The following PUM2 variants were observed in gnomAD, a reference collection of about 807,000 sequenced individuals.
PUM2 encodes pumilio RNA binding family member 2.
A neutral mutation model predicts 124.5 loss-of-function variants in PUM2; 57 were observed. The ratio of observed to expected loss-of-function variants is 0.46; its 90% CI spans 0.37 to 0.57. The LOEUF is 0.57. Ranked by LOEUF, PUM2 falls within the 20% of genes least tolerant of loss-of-function variation. The pLI, the probability that PUM2 is intolerant of heterozygous loss-of-function variation, is 0.00. For synonymous variants in PUM2, 460 were observed against 446.1 expected (o/e 1.03, Z -0.39); for missense variants, 1,065 against 1,290.6 (o/e 0.83, Z 2.68).
At chr2:20,330,836 G>A (rs982181051) in intron 1 of PUM2, among the ~76,000 whole-genome samples, 4 of 152,174 alleles carry the variant, frequency 2.6e-5, no homozygotes, top group African/African-American at 9.7e-5. Flanking sequence ...AGTCTTATTG[G>A]CCCAAGCCCT....
chr2:20,283,550 C>T, intron 10 of PUM2, 64 bp from the exon 11 acceptor site: 1 of 1,490,308 alleles, frequency 6.7e-7, no homozygotes, highest in South Asian at 1.2e-5. Context: ...TTTGTTTTTC[C>T]CTGCATTTGT....
intron 13 of PUM2, among the ~76,000 whole-genome samples, chr2:20,277,498 G>C (rs1414376340): frequency 6.6e-6 from 1 of 151,844 alleles, no homozygotes; most frequent in Non-Finnish European, 1.5e-5. Flanking sequence ...TGGAAGACCA[G>C]AGTCTTTAAA....
intron 13 of PUM2, among the ~76,000 whole-genome samples, chr2:20,270,648 C>A (rs1232587831): frequency 6.6e-6 from 1 of 152,044 alleles, no homozygotes; most frequent in East Asian, 1.9e-4. Context: ...GCACACTGAA[C>A]AAAGAAAACA....
chr2:20,256,616 G>T (rs959872677), intron 16 of PUM2, among the ~76,000 whole-genome samples: 2 of 152,142 alleles, frequency 1.3e-5, no homozygotes, highest in African/African-American at 4.8e-5. Context: ...GGCTGAGTGA[G>T]TTTATCAAGT....
chr2:20,325,746 C>T (rs539654415), intron 2 of PUM2, among the ~76,000 whole-genome samples: 1 of 152,016 alleles, frequency 6.6e-6, no homozygotes, highest in Non-Finnish European at 1.5e-5. Flanking sequence ...CTCAGCCTCC[C>T]GAGTAGCTGG....
chr2:20,283,169 G>T lies in PUM2; in HGVS notation c.1498C>A (p.Arg500=), dbSNP rs1360097138. The T allele has an allele frequency of 1.9e-6, 3 of 1,614,030 alleles. No individual in the cohort carries two copies. Among genetic ancestry groups the T allele is most frequent in the Non-Finnish European group, 2.5e-6 (3 of 1,179,980 alleles). Residue 500 remains arginine (R), a synonymous_variant, in exon 12 of 21, where the codon CGG becomes AGG. Coordinates refer to ENST00000361078, the MANE Select transcript of PUM2 (RefSeq NM_015317.5). ...TGTGGTGGCTGAGTGCCAATTGGCC[G>T]AAACAGACCATTTGTGCTGCCTGTA... ...SLTGSTNGLF[R]PIGTQPPQQQ... is the part of the protein sequence containing the mutation.
At chr2:20,350,470 C>T in intron 1 of PUM2, 127 bp downstream of exon 1, 1 of 984,904 alleles carries the variant, frequency 1.0e-6, no homozygotes, top group East Asian at 1.1e-4. Context: ...CCGGCCCGGG[C>T]ACTCAGCAGG....
At chr2:20,277,672 C>T (rs748725710) in intron 13 of PUM2, among the ~76,000 whole-genome samples, 17 of 152,046 alleles carry the variant, frequency 1.1e-4, no homozygotes, top group Non-Finnish European at 1.8e-4. Context: ...GGTGGTCAAA[C>T]ATAATCACTA....
At chr2:20,323,872 G>A (rs1176908859) in intron 2 of PUM2, among the ~76,000 whole-genome samples, 1 of 106,688 alleles carries the variant, frequency 9.4e-6, no homozygotes, top group East Asian at 3.3e-4. Flanking sequence ...CATGATTTCT[G>A]AAAATTTTGA....
At chr2:20,311,798 T>G (rs904997148) in intron 4 of PUM2, 135 bp from the exon 5 acceptor site, 1 of 1,069,174 alleles carries the variant, frequency 9.4e-7, no homozygotes, top group South Asian at 1.9e-5. Flanking sequence ...TCGTAGTCAA[T>G]TAATTTATCA....
chr2:20,344,218 C>T (rs1330142155), intron 1 of PUM2, among the ~76,000 whole-genome samples: 3 of 152,112 alleles, frequency 2.0e-5, no homozygotes, highest in Non-Finnish European at 4.4e-5. Context: ...CAGACGCGAG[C>T]CACCATGCCC....
At chr2:20,257,313 T>TC (rs1014819293) in intron 16 of PUM2, among the ~76,000 whole-genome samples, 3 of 152,148 alleles carry the variant, frequency 2.0e-5, no homozygotes, top group Non-Finnish European at 4.4e-5. Flanking sequence ...TCTCACAGAT[T>TC]TTAATGCAGT....
At chr2:20,280,426 C>T (rs947500903) in intron 12 of PUM2, among the ~76,000 whole-genome samples, 1 of 152,088 alleles carries the variant, frequency 6.6e-6, no homozygotes, top group Non-Finnish European at 1.5e-5. Flanking sequence ...GCAATGTATG[C>T]TACATTAACT....
intron 12 of PUM2, among the ~76,000 whole-genome samples, chr2:20,279,396 C>T (rs986695639): frequency 2.0e-5 from 3 of 152,072 alleles, no homozygotes; most frequent in South Asian, 2.1e-4. Flanking sequence ...ATTTTTTACA[C>T]TACGCATTCT....
In PUM2 at chr2:20,258,322, T is replaced by C; in HGVS notation, c.2405A>G (p.His802Arg). ...KLALATRIRGHVLPLALQMYG... is the reference protein window; with the variant it reads ...KLALATRIRGRVLPLALQMYG... ...CATCTGCAAGGCTAAGGGTAGAACATGACCACGAATACGAGTAGCCAGGGC... is the reference window on the plus strand; with the variant it reads ...CATCTGCAAGGCTAAGGGTAGAACACGACCACGAATACGAGTAGCCAGGGC... The change falls in exon 16 of 21, where the codon CAT becomes CGT. Residue 802 changes from histidine (H) to arginine (R), a missense_variant. Physicochemically the swap from His to Arg is conservative, Grantham distance 29. Around this residue, in one of 3 missense-constraint regions of PUM2, gnomAD observed 968 missense variants for 1,159.8 expected, o/e 0.83. Coordinates refer to ENST00000361078, the MANE Select transcript of PUM2 (RefSeq NM_015317.5). The C allele has an allele frequency of 6.2e-7, 1 of 1,612,588 alleles. No individual in the cohort carries two copies. The highest frequency in any genetic ancestry group is 8.5e-7 in the Non-Finnish European group (1 of 1,178,918).
intron 2 of PUM2, among the ~76,000 whole-genome samples, chr2:20,320,863 TA>T (rs1217972030): frequency 1.3e-5 from 2 of 152,118 alleles, no homozygotes; most frequent in Admixed American, 1.3e-4. Flanking sequence ...GTTAATCCCT[TA>T]AAAATACTGT....
At position 20,248,918 on chromosome 2, in the gene PUM2, A is replaced by T. The variant is rs115302390; in HGVS notation, c.*2667T>A. 1 of 152,520 alleles carries T rather than the reference A, an allele frequency of 6.6e-6. No homozygotes were observed. The highest frequency in any genetic ancestry group is 2.1e-4 in the South Asian group (1 of 4,830). 9.4% of individuals were successfully genotyped at this position (152,520 alleles called of 1,614,324 possible). On this transcript the variant is annotated 3_prime_UTR_variant, in exon 21 of 21. Transcript: ENST00000361078. ...AGTAAAGCCTAGGTAGTTTTGCCCA[A>T]TTGTTTTATTCTGAAATGTGATTTT... is the stretch of plus-strand genomic sequence containing the variant.
At chr2:20,286,872 T>C (rs1384120789) in intron 10 of PUM2, among the ~76,000 whole-genome samples, 2 of 152,214 alleles carry the variant, frequency 1.3e-5, no homozygotes, top group Non-Finnish European at 2.9e-5. Context: ...AAGTTGCTAA[T>C]TTCCATTCTT....
chr2:20,312,553 T>C (rs1558619909), intron 3 of PUM2, 130 bp from the exon 4 acceptor site: 3 of 833,796 alleles, frequency 3.6e-6, no homozygotes, highest in African/African-American at 1.7e-5. Flanking sequence ...ATAATCTTTA[T>C]ATAAAGCTCT....
Sources: allele counts gnomAD v4.1 joint callset (sites outside exome capture counted in the v4.1 genomes callset), GRCh38; gene constraint gnomAD v4.1.1; regional missense constraint gnomAD v4.1.1; transcripts MANE v1.5; gene names NCBI Gene and HGNC (gene_info 2026-07-23, HGNC 2026-07-21).